The following WWOX variants were observed in gnomAD, a reference collection of about 807,000 sequenced individuals.
The protein encoded by WWOX is WW domain containing oxidoreductase, also known as WW domain-containing oxidoreductase.
WWOX carries 69 observed loss-of-function variants against 46.2 expected under a neutral mutation model. The observed-to-expected ratio is 1.49, with a 90% CI of 1.23 to 1.82. The LOEUF (loss-of-function observed/expected upper bound fraction) is 1.82. Ranked by LOEUF, WWOX falls within the 40% of genes most tolerant of loss-of-function variation. WWOX has a pLI of 0.00. For synonymous variants in WWOX, 359 were observed against 202.6 expected (o/e 1.77, Z -6.56); for missense variants, 919 against 542.6 (o/e 1.69, Z -6.89).
At chr16:78,147,494 A>T (rs2034238791) in intron 4 of WWOX, among the ~76,000 whole-genome samples, 2 of 152,102 alleles carry the variant, frequency 1.3e-5, no homozygotes, top group South Asian at 4.1e-4. Flanking sequence ...GTCAATTTGG[A>T]CACTTTAAAA....
At chr16:78,143,309 T>C (rs963220191) in intron 4 of WWOX, among the ~76,000 whole-genome samples, 4 of 152,218 alleles carry the variant, frequency 2.6e-5, no homozygotes, top group Admixed American at 6.5e-5. Context: ...TCACATTTTC[T>C]TGCAGTGAAA....
chr16:78,901,330 A>G (rs1433356026), intron 8 of WWOX, among the ~76,000 whole-genome samples: 1 of 152,224 alleles, frequency 6.6e-6, no homozygotes, highest in Non-Finnish European at 1.5e-5. Flanking sequence ...GCTTTAGAAT[A>G]TCCAACACAT....
intron 8 of WWOX, among the ~76,000 whole-genome samples, chr16:78,762,925 GAACAGAACGACA>G (rs1254435288): frequency 1.3e-5 from 2 of 152,216 alleles, no homozygotes; most frequent in Non-Finnish European, 2.9e-5. Context: ...TGAAGGCTGA[GAACAGAACGACA>G]AACAACAATC....
At chr16:78,910,833 G>A (rs1211855965) in intron 8 of WWOX, among the ~76,000 whole-genome samples, 6 of 151,826 alleles carry the variant, frequency 4.0e-5, no homozygotes, top group Non-Finnish European at 8.8e-5. Context: ...CTCCCATGAC[G>A]TGGGAATTAT....
At chr16:79,083,971 C>T (rs1409557988) in intron 8 of WWOX, among the ~76,000 whole-genome samples, 8 of 152,286 alleles carry the variant, frequency 5.3e-5, no homozygotes, top group East Asian at 1.9e-4. Context: ...GACTCCCGAT[C>T]GGAGCCCACC....
intron 5 of WWOX, among the ~76,000 whole-genome samples, chr16:78,275,875 G>A (rs778965647): frequency 1.3e-5 from 2 of 152,064 alleles, no homozygotes; most frequent in African/African-American, 2.4e-5. Flanking sequence ...GAGTCCTTCC[G>A]ACGAGGAAGT....
intron 8 of WWOX, among the ~76,000 whole-genome samples, chr16:78,545,380 TA>T (rs142002637): frequency 0.078 from 11,741 of 151,132 alleles, 555 homozygotes; most frequent in East Asian, 0.12. Context: ...CCATTTCTTT[TA>T]AAAAAAAAAT....
At chr16:78,766,418 G>A (rs2049925944) in intron 8 of WWOX, among the ~76,000 whole-genome samples, 1 of 152,128 alleles carries the variant, frequency 6.6e-6, no homozygotes, top group African/African-American at 2.4e-5. Context: ...AACACAGCAA[G>A]ACCCCACGTC....
At chr16:78,670,753 T>C (rs751355918) in intron 8 of WWOX, among the ~76,000 whole-genome samples, 2 of 152,022 alleles carry the variant, frequency 1.3e-5, no homozygotes, top group Non-Finnish European at 2.9e-5. Context: ...CTGAAGCAGT[T>C]CTCCTGCTTT....
chr16:78,838,736 G>C (rs1332249591), intron 8 of WWOX, among the ~76,000 whole-genome samples: 2 of 152,112 alleles, frequency 1.3e-5, no homozygotes, highest in East Asian at 3.9e-4. Context: ...CCAGCAACTC[G>C]GGAGGCTGAG....
At chr16:78,827,966 G>T (rs959719184) in intron 8 of WWOX, among the ~76,000 whole-genome samples, 6 of 152,306 alleles carry the variant, frequency 3.9e-5, no homozygotes, top group South Asian at 4.1e-4. Context: ...ACATGACTGG[G>T]GACAGAGTTG....
intron 5 of WWOX, among the ~76,000 whole-genome samples, chr16:78,328,359 T>C (rs2080677764): frequency 2.0e-5 from 3 of 152,224 alleles, no homozygotes; most frequent in Admixed American, 1.3e-4. Flanking sequence ...TTTCATAGCA[T>C]ATGATTGATG....
chr16:78,913,365 G>C (rs1384890381), intron 8 of WWOX, among the ~76,000 whole-genome samples: 1 of 151,862 alleles, frequency 6.6e-6, no homozygotes, highest in Non-Finnish European at 1.5e-5. Context: ...CCTGAGTCTT[G>C]GCCAATGGAC....
At chr16:79,064,688 G>T (rs1290498665) in intron 8 of WWOX, among the ~76,000 whole-genome samples, 2 of 152,234 alleles carry the variant, frequency 1.3e-5, no homozygotes, top group African/African-American at 2.4e-5. Context: ...GAGAGATGGT[G>T]ACAGTAGAGA....
At chr16:78,235,747 G>A (rs563525956) in intron 5 of WWOX, among the ~76,000 whole-genome samples, 8 of 152,294 alleles carry the variant, frequency 5.3e-5, no homozygotes, top group African/African-American at 1.7e-4. Flanking sequence ...CGTCATGGGC[G>A]CTCATATTGT....
chr16:78,586,273 G>T (rs191496530), intron 8 of WWOX, among the ~76,000 whole-genome samples: 1 of 152,206 alleles, frequency 6.6e-6, no homozygotes, highest in Non-Finnish European at 1.5e-5. Flanking sequence ...TTTCAGCCTG[G>T]GTGACAGAGC....
intron 8 of WWOX, among the ~76,000 whole-genome samples, chr16:78,679,440 A>G (rs1045350173): frequency 6.6e-6 from 1 of 152,146 alleles, no homozygotes; most frequent in Non-Finnish European, 1.5e-5. Context: ...AATCCCAGCT[A>G]CTTGTGAGGC....
At chr16:78,793,308 G>A (rs543923896) in intron 8 of WWOX, among the ~76,000 whole-genome samples, 2 of 152,128 alleles carry the variant, frequency 1.3e-5, no homozygotes, top group East Asian at 3.9e-4. Context: ...AGATCTGCCT[G>A]CCTCAGCCTC....
At chr16:79,154,051 G>T (rs145969766) in intron 8 of WWOX, among the ~76,000 whole-genome samples, 1 of 152,166 alleles carries the variant, frequency 6.6e-6, no homozygotes. Flanking sequence ...AACAACTTTG[G>T]CTCCCTTTGG....
Sources: gnomAD v4.1 joint callset for allele counts (sites outside exome capture counted in the v4.1 genomes callset) on GRCh38, gnomAD v4.1.1 for gene constraint, MANE v1.5 for transcripts, NCBI Gene and HGNC (gene_info 2026-07-23, HGNC 2026-07-21) for gene names.